ZP2: variants seen among roughly 807,000 people sequenced by gnomAD.
ZP2 encodes the protein zona pellucida glycoprotein 2.
Under a neutral mutation model 84.0 loss-of-function variants are expected in ZP2, and 51 were observed. The ratio of observed to expected loss-of-function variants is 0.61; its 90% CI spans 0.49 to 0.77. The LOEUF is 0.77. ZP2 is among the 30% of genes least tolerant of loss of function. The pLI is 0.00. For synonymous variants in ZP2, 375 were observed against 330.9 expected, an observed-to-expected ratio of 1.13 and a Z score of -1.45; for missense variants, 909 against 911.9, an observed-to-expected ratio of 1.00 and a Z score of 0.04.
intron 9 of ZP2, 109 bp from the exon 10 acceptor site, chr16:21,203,360 T>C: frequency 1.4e-6 from 2 of 1,441,744 alleles, no homozygotes; most frequent in Admixed American, 1.9e-5. Context: ...ACTCCAGACT[T>C]ATCTGGGCTC....
chr16:21,198,940 T>G, intron 16 of ZP2, 78 bp from the exon 17 acceptor site: 1 of 1,262,514 alleles, frequency 7.9e-7, no homozygotes, highest in Non-Finnish European at 1.1e-6. Flanking sequence ...TGCTTAGAAG[T>G]AGAAGCTCTC....
rs2093252707 is a variant in ZP2 at position 21,206,944 on chromosome 16, G to A, written c.377C>T (p.Ala126Val). The A allele has an allele frequency of 6.2e-7, 1 of 1,613,974 alleles. No homozygotes were observed. The highest frequency in any genetic ancestry group is 1.1e-5 in the South Asian group (1 of 91,080). ...MTIRVMNNSA[A>V]LRHGAVMYQF... The stretch of plus-strand genomic sequence containing the variant: ...ATACATGACAGCTCCGTGTCTTAAG[G>A]CAGCACTGTTGTTCATGACTCTGAT... The change falls in exon 5 of 19, where the codon GCC becomes GTC. Residue 126 changes from alanine (A) to valine (V), a missense_variant. Ala to Val is a moderately conservative substitution (Grantham distance 64). Transcript: ENST00000574091.
chr16:21,204,234 G>A (rs1433743644), intron 8 of ZP2, 23 bp from the exon 9 acceptor site: 1 of 1,613,910 alleles, frequency 6.2e-7, no homozygotes, highest in Non-Finnish European at 8.5e-7. Context: ...ACAACAGAAT[G>A]CCCATTACCA....
rs986051478 is a variant in ZP2 at position 21,210,006 on chromosome 16, C to T, written c.235+103G>A. The T allele has an allele frequency of 4.0e-5, 42 of 1,041,678 alleles. No individual in the cohort carries two copies. The African/African-American group carries it at 4.1e-4, about 10-fold the overall frequency. 64.5% of individuals were successfully genotyped at this position (1,041,678 alleles called of 1,614,324 possible). A position where few individuals can be genotyped will look rare whatever the true frequency, so the allele number is the denominator to read the frequency against. On this transcript the variant is annotated intron_variant, in intron 3 of 18. Transcript: ENST00000574091. ...CCATGGCATCATGGGAGTTGGATGC[C>T]GTTGCTGCAGGAGTTTGGGTACTCT...
chr16:21,205,918 C>T (rs1180088724), intron 5 of ZP2, 143 bp from the exon 6 acceptor site: 2 of 752,766 alleles, frequency 2.7e-6, no homozygotes, highest in Non-Finnish European at 4.6e-6. Flanking sequence ...TGACTGTGCC[C>T]TTAGATGTCA....
chr16:21,198,991 C>A, intron 16 of ZP2, 129 bp from the exon 17 acceptor site: 1 of 822,598 alleles, frequency 1.2e-6, no homozygotes, highest in Non-Finnish European at 2.0e-6. Flanking sequence ...CCTTTGCAGG[C>A]GAGGTTATGC....
rs139759688 is a variant in ZP2, at chr16:21,198,790, G to A, written c.2000C>T (p.Ser667Phe). 1.2e-5 allele frequency: 20 copies of A among 1,613,870 alleles called. No individual in the cohort carries two copies. Among genetic ancestry groups the A allele is most frequent in the Non-Finnish European group, 1.7e-5 (20 of 1,179,952 alleles). Residue 667 changes from serine to phenylalanine, a missense_variant, in exon 17 of 19, where the codon TCC becomes TTC. Physicochemically the swap from Ser to Phe is radical, Grantham distance 155. Transcript: ENST00000574091. ...CTTTAGGTCCATACCTCTGAATGAG[G>A]AGTCATCTGACAACAGGAGAATGGG... ...PGPILLLSDD[S>F]SFRGVGSSDL...
rs1186009510 is a variant in ZP2, at chr16:21,197,454, T to C, written c.*26A>G. 1 of 1,613,364 alleles carries C rather than the reference T, an allele frequency of 6.2e-7. No homozygotes were observed. Among genetic ancestry groups the C allele is most frequent in the South Asian group, 1.1e-5 (1 of 91,028 alleles). On this transcript the variant is annotated 3_prime_UTR_variant, in exon 19 of 19. Coordinates refer to ENST00000574091, the MANE Select transcript of ZP2 (RefSeq NM_001376232.1). ...AGAATGTGGAAGGCAAGAGGCTTAT[T>C]TTGACTGCTTTATTTAGAAGCCCAT...
chr16:21,208,171 T>TG (rs1222734544), intron 4 of ZP2, among the ~76,000 whole-genome samples: 1 of 152,210 alleles, frequency 6.6e-6, no homozygotes, highest in African/African-American at 2.4e-5. Flanking sequence ...GAGCCATGAT[T>TG]GCAGCCACTA....
chr16:21,201,672 C>T, intron 13 of ZP2, 34 bp downstream of exon 13: 1 of 1,613,772 alleles, frequency 6.2e-7, no homozygotes, highest in Non-Finnish European at 8.5e-7. Flanking sequence ...AGTTTGAGAT[C>T]ATTTAAGCAA....
chr16:21,210,877 ATTTT>A (rs559320725), intron 2 of ZP2, among the ~76,000 whole-genome samples: 179 of 133,648 alleles, frequency 1.3e-3, no homozygotes, highest in African/African-American at 4.1e-3. Flanking sequence ...GCCTGGCTGC[ATTTT>A]TTTTTTTTTT....
At chr16:21,201,279 T>G (rs1040374262) in intron 14 of ZP2, 90 bp downstream of exon 14, 1 of 1,167,864 alleles carries the variant, frequency 8.6e-7, no homozygotes, top group South Asian at 2.1e-5. Context: ...CATGACTGAA[T>G]GCTGCTCTAA....
intron 10 of ZP2, 137 bp downstream of exon 10, chr16:21,202,988 G>C (rs2093232951): frequency 4.7e-6 from 5 of 1,072,658 alleles, no homozygotes; most frequent in Middle Eastern, 3.3e-4. Flanking sequence ...CAGCTACACT[G>C]TTTCTAATCT....
At chr16:21,214,343 A>G, upstream of ZP2, 1 of 948,390 alleles carries the variant, frequency 1.1e-6, no homozygotes, top group Non-Finnish European at 1.3e-6. Context: ...CTGTTCAGCA[A>G]CTGACTTTGA....
At chr16:21,214,243 G>C, upstream of ZP2, 1 of 985,226 alleles carries the variant, frequency 1.0e-6, no homozygotes, top group East Asian at 1.1e-4. Flanking sequence ...CAGACCTGTG[G>C]TGTGCTGGGG....
chr16:21,205,835 T>C, intron 5 of ZP2, 60 bp from the exon 6 acceptor site: 1 of 1,559,914 alleles, frequency 6.4e-7, no homozygotes, highest in Non-Finnish European at 8.8e-7. Flanking sequence ...TCCGAATTCA[T>C]GCCAGAAATT....
At chr16:21,206,752 A>AT in intron 5 of ZP2, 86 bp downstream of exon 5, 3 of 1,546,590 alleles carry the variant, frequency 1.9e-6, no homozygotes, top group Non-Finnish European at 2.6e-6. Flanking sequence ...TCATGGTCTG[A>AT]TTTCTAAGCC....
chr16:21,208,561 A>G (rs1047443973), intron 4 of ZP2, among the ~76,000 whole-genome samples: 11 of 152,126 alleles, frequency 7.2e-5, no homozygotes, highest in African/African-American at 2.7e-4. Flanking sequence ...GTCAAACCCA[A>G]ACTTTCCAAA....
chr16:21,209,149 T>C (rs1192966625), intron 4 of ZP2, among the ~76,000 whole-genome samples: 1 of 152,148 alleles, frequency 6.6e-6, no homozygotes, highest in African/African-American at 2.4e-5. Flanking sequence ...CTAGATGTTG[T>C]CAAATGTCCC....
Sources: allele counts gnomAD v4.1 joint callset (sites outside exome capture counted in the v4.1 genomes callset), GRCh38; gene constraint gnomAD v4.1.1; transcripts MANE v1.5; gene names NCBI Gene and HGNC (gene_info 2026-07-23, HGNC 2026-07-21).